Variants in SUFU observed in about 807,000 individuals in gnomAD.
The protein encoded by SUFU is suppressor of fused homolog.
SUFU carries 7 observed loss-of-function variants against 58.9 expected under a neutral mutation model. The observed-to-expected ratio is 0.12, with a 90% CI of 0.07 to 0.22. SUFU has a LOEUF of 0.22. SUFU is among the 10% of genes least tolerant of loss of function. The pLI is 1.00. For missense variants in SUFU, 451 were observed against 641.3 expected (o/e 0.70, Z 3.20); for synonymous variants, 232 against 254.8 (o/e 0.91, Z 0.85).
chr10:102,564,774 A>G (rs1429517079), intron 3 of SUFU, among the ~76,000 whole-genome samples: 3 of 152,160 alleles, frequency 2.0e-5, no homozygotes, highest in East Asian at 1.9e-4. Flanking sequence ...CTTTGCCTCA[A>G]CCTGATTCAT....
Position 102,630,623 on chromosome 10 carries a change from T to G in SUFU, c.*468T>G. On this transcript the variant is annotated 3_prime_UTR_variant, in exon 12 of 12. Transcript: ENST00000369902. The stretch of plus-strand genomic sequence containing the variant: ...TCAAGCTCCTCTGGCCGCGGAACAA[T>G]TCCTCTGATCATGTTTGGTTTTCTT... 1 of 311,524 alleles carries G rather than the reference T, an allele frequency of 3.2e-6. No individual in the cohort carries two copies. Among genetic ancestry groups the G allele is most frequent in the Non-Finnish European group, 6.1e-6 (1 of 163,836 alleles). 19.3% of individuals were successfully genotyped at this position (311,524 alleles called of 1,614,324 possible). A position where few individuals can be genotyped will look rare whatever the true frequency, so the allele number is the denominator to read the frequency against.
intron 3 of SUFU, chr10:102,579,971 GC>G: frequency 1.9e-6 from 1 of 531,060 alleles, no homozygotes; most frequent in Non-Finnish European, 2.4e-6. Flanking sequence ...TTACCTTCTA[GC>G]CCCAAGAGCT....
chr10:102,599,410 G>A, intron 7 of SUFU, 23 bp from the exon 8 acceptor site: 2 of 1,596,494 alleles, frequency 1.3e-6, no homozygotes, highest in South Asian at 2.2e-5. Flanking sequence ...GGGCCACTGG[G>A]CAACTTAGTG....
At chr10:102,509,939 G>A (rs1384075180) in intron 2 of SUFU, among the ~76,000 whole-genome samples, 1 of 152,022 alleles carries the variant, frequency 6.6e-6, no homozygotes, top group Non-Finnish European at 1.5e-5. Flanking sequence ...CCTAGGCTCA[G>A]GTGATCCTCC....
At chr10:102,622,468 C>T (rs1227538399) in intron 10 of SUFU, among the ~76,000 whole-genome samples, 1 of 152,094 alleles carries the variant, frequency 6.6e-6, no homozygotes, top group Non-Finnish European at 1.5e-5. Flanking sequence ...AATTGCCAGG[C>T]ACGGTGGCTC....
intron 8 of SUFU, among the ~76,000 whole-genome samples, chr10:102,602,561 A>T (rs915637719): frequency 2.0e-5 from 3 of 152,362 alleles, no homozygotes; most frequent in South Asian, 2.1e-4. Flanking sequence ...AAGCTATGTC[A>T]TAATTGGCTC....
intron 8 of SUFU, among the ~76,000 whole-genome samples, chr10:102,605,138 C>T (rs1461036826): frequency 2.6e-5 from 4 of 151,810 alleles, no homozygotes; most frequent in African/African-American, 9.7e-5. Flanking sequence ...AGGCTGGTCT[C>T]GAACTCCTGA....
At chr10:102,537,105 C>T (rs1348036290) in intron 2 of SUFU, among the ~76,000 whole-genome samples, 1 of 151,834 alleles carries the variant, frequency 6.6e-6, no homozygotes, top group Admixed American at 6.6e-5. Context: ...GCCACTGCAC[C>T]CAGCCTACAT....
chr10:102,566,040 C>A (rs913815838), intron 3 of SUFU, among the ~76,000 whole-genome samples: 4 of 152,168 alleles, frequency 2.6e-5, no homozygotes, highest in African/African-American at 9.7e-5. Context: ...GAGATTGCCG[C>A]TGGAGAGTTA....
chr10:102,574,900 C>CA (rs1445249831), intron 3 of SUFU, among the ~76,000 whole-genome samples: 5 of 152,032 alleles, frequency 3.3e-5, no homozygotes, highest in Non-Finnish European at 5.9e-5. Context: ...ACTAAAAATA[C>CA]AAAAAATTAG....
At chr10:102,516,196 A>G (rs1428702698) in intron 2 of SUFU, among the ~76,000 whole-genome samples, 1 of 132,116 alleles carries the variant, frequency 7.6e-6, no homozygotes, top group African/African-American at 2.9e-5. Flanking sequence ...CACGACCTCG[A>G]CTCTGCTGAG....
At chr10:102,576,423 A>AT (rs923984063) in intron 3 of SUFU, among the ~76,000 whole-genome samples, 12 of 151,432 alleles carry the variant, frequency 7.9e-5, no homozygotes, top group Non-Finnish European at 1.6e-4. Flanking sequence ...TCTTTATTTA[A>AT]TTTTTTTTAC....
At chr10:102,555,192 C>T (rs2062961800) in intron 3 of SUFU, among the ~76,000 whole-genome samples, 1 of 149,296 alleles carries the variant, frequency 6.7e-6, no homozygotes, top group African/African-American at 2.5e-5. Context: ...GGCATGAACC[C>T]AAGAGATGGA....
intron 2 of SUFU, among the ~76,000 whole-genome samples, chr10:102,514,669 G>A (rs1253968494): frequency 1.3e-5 from 2 of 152,210 alleles, no homozygotes; most frequent in Admixed American, 6.5e-5. Flanking sequence ...GCCAAGTGCT[G>A]TCGGAGCTTG....
chr10:102,557,199 C>A (rs1350362848), intron 3 of SUFU, among the ~76,000 whole-genome samples: 1 of 150,134 alleles, frequency 6.7e-6, no homozygotes, highest in African/African-American at 2.5e-5. Flanking sequence ...CCACTGCACT[C>A]AGCCTGGGTG....
chr10:102,619,370 C>T lies in SUFU; in HGVS notation c.1296+1942C>T. The T allele has an allele frequency of 7.1e-7, 1 of 1,408,140 alleles. No individual in the cohort carries two copies. The highest frequency in any genetic ancestry group is 9.2e-7 in the Non-Finnish European group (1 of 1,082,696). 87.2% of individuals were successfully genotyped at this position (1,408,140 alleles called of 1,614,324 possible). A position where few individuals can be genotyped will look rare whatever the true frequency, so the allele number is the denominator to read the frequency against. On this transcript the variant is annotated intron_variant, in intron 10 of 11. Transcript: ENST00000369902. This position sits in a 1 kb window ranked among gnomAD's most constrained non-coding sequence, Gnocchi z 4.2. ...TGGCTCCCCAGCACATGGTCCCCTCCCATGGGCTGTTGCCCAGGGAACCGG... is the reference window on the plus strand; with the variant it reads ...TGGCTCCCCAGCACATGGTCCCCTCTCATGGGCTGTTGCCCAGGGAACCGG...
chr10:102,519,383 C>T (rs183582224), intron 2 of SUFU, among the ~76,000 whole-genome samples: 11 of 151,726 alleles, frequency 7.2e-5, no homozygotes, highest in African/African-American at 9.7e-5. Context: ...GAAAATTAGC[C>T]GGGCCTGTTG....
intron 7 of SUFU, among the ~76,000 whole-genome samples, chr10:102,597,700 A>T (rs967791948): frequency 6.6e-6 from 1 of 152,260 alleles, no homozygotes; most frequent in African/African-American, 2.4e-5. Context: ...AGATCCAAGG[A>T]TCACTCTGGC....
intron 2 of SUFU, among the ~76,000 whole-genome samples, chr10:102,538,423 A>G (rs2062765556): frequency 6.6e-6 from 1 of 152,072 alleles, no homozygotes; most frequent in African/African-American, 2.4e-5. Flanking sequence ...GTAAGTAATC[A>G]CTGACACTAA....
Sources: gnomAD v4.1 joint callset for allele counts (sites outside exome capture counted in the v4.1 genomes callset) on GRCh38, gnomAD v4.1.1 for gene constraint, Gnocchi (gnomAD v3.1) non-coding constraint, MANE v1.5 for transcripts, NCBI Gene and HGNC (gene_info 2026-07-23, HGNC 2026-07-21) for gene names.